The following NXPH1 variants were observed in gnomAD, a reference collection of about 807,000 sequenced individuals.
The protein encoded by NXPH1 is neurexophilin-1.
A neutral mutation model predicts 23.7 loss-of-function variants in NXPH1; 5 were observed. The ratio of observed to expected loss-of-function variants is 0.21; its 90% CI spans 0.11 to 0.44. The LOEUF (loss-of-function observed/expected upper bound fraction) is 0.44. Ranked by LOEUF, NXPH1 falls within the 20% of genes least tolerant of loss-of-function variation. The pLI is 0.99. For synonymous variants in NXPH1, 144 were observed against 122.2 expected (o/e 1.18, Z -1.18); for missense variants, 324 against 321.6 (o/e 1.01, Z -0.06).
chr7:8,548,484 T>C (rs1283575593), intron 2 of NXPH1, among the ~76,000 whole-genome samples: 1 of 151,586 alleles, frequency 6.6e-6, no homozygotes, highest in Non-Finnish European at 1.5e-5. Context: ...GAGTTCTTAA[T>C]AAGCCTATAA....
chr7:8,576,029 GTA>G (rs1562408553), intron 2 of NXPH1, among the ~76,000 whole-genome samples: 3 of 152,108 alleles, frequency 2.0e-5, no homozygotes, highest in African/African-American at 7.2e-5. Flanking sequence ...TAGGGGATGG[GTA>G]TACCTGCTTC....
chr7:8,745,222 A>G (rs949489635), intron 2 of NXPH1, among the ~76,000 whole-genome samples: 3 of 152,156 alleles, frequency 2.0e-5, no homozygotes, highest in Non-Finnish European at 4.4e-5. Flanking sequence ...ACAAGTGAAA[A>G]TTGTGTATAA....
intron 2 of NXPH1, among the ~76,000 whole-genome samples, chr7:8,693,086 T>C (rs17153989): frequency 0.39 from 58,677 of 151,804 alleles, 11,662 homozygotes; most frequent in East Asian, 0.44. Flanking sequence ...AGAGTGGAAA[T>C]GGAACTTAAG....
chr7:8,639,132 C>T (rs1238610143), intron 2 of NXPH1, among the ~76,000 whole-genome samples: 1 of 152,074 alleles, frequency 6.6e-6, no homozygotes, highest in Non-Finnish European at 1.5e-5. Flanking sequence ...AACAGAATTA[C>T]TAAAAAATCA....
chr7:8,522,819 T>C (rs996316164), intron 2 of NXPH1, among the ~76,000 whole-genome samples: 10 of 152,124 alleles, frequency 6.6e-5, no homozygotes, highest in African/African-American at 2.4e-4. Context: ...GTGGAGACAG[T>C]GATTATATTA....
At chr7:8,481,494 G>A (rs1202589772) in intron 2 of NXPH1, among the ~76,000 whole-genome samples, 8 of 152,272 alleles carry the variant, frequency 5.3e-5, no homozygotes, top group African/African-American at 1.7e-4. Flanking sequence ...ACAGAGGTCA[G>A]AAGTGAAATA....
intron 2 of NXPH1, among the ~76,000 whole-genome samples, chr7:8,687,203 G>A (rs1224517595): frequency 6.6e-6 from 1 of 152,088 alleles, no homozygotes; most frequent in East Asian, 1.9e-4. Flanking sequence ...AAACTGTGAT[G>A]ACTGGTGGAG....
Position 8,692,814 on chromosome 7 carries a change from G to C in NXPH1, c.55-58194G>C, listed in dbSNP as rs147489784. Among the ~76,000 whole-genome samples the C allele has an allele frequency of 1.5e-4, 23 of 152,282 alleles. 1 individual carries two copies. The East Asian group carries it at 4.5e-3, about 29-fold the overall frequency. ...CGAGTTGAAAGAAGCATGATAGAAA[G>C]GGATGCTGTGTGTAAGTAGGTTGTT... On this transcript the variant is annotated intron_variant, in intron 2 of 2. Coordinates refer to ENST00000405863, the MANE Select transcript of NXPH1 (RefSeq NM_152745.3).
chr7:8,599,910 C>T (rs530129381), intron 2 of NXPH1, among the ~76,000 whole-genome samples: 114 of 149,852 alleles, frequency 7.6e-4, no homozygotes, highest in Non-Finnish European at 1.4e-3. Flanking sequence ...AGTCATATTA[C>T]GATAACTATG....
intron 2 of NXPH1, among the ~76,000 whole-genome samples, chr7:8,723,985 ATAAGT>A (rs1327804139): frequency 6.6e-6 from 1 of 152,372 alleles, no homozygotes; most frequent in African/African-American, 2.4e-5. Context: ...AAGCAAGTAG[ATAAGT>A]TAATAAATAA....
intron 2 of NXPH1, among the ~76,000 whole-genome samples, chr7:8,470,660 A>T (rs1399163475): frequency 1.3e-5 from 2 of 152,172 alleles, no homozygotes; most frequent in Non-Finnish European, 2.9e-5. Flanking sequence ...ATAAACACCC[A>T]CCTTTAAGAC....
chr7:8,667,770 T>C lies in NXPH1; in HGVS notation c.55-83238T>C, dbSNP rs147259714. On this transcript the variant is annotated intron_variant, in intron 2 of 2. Coordinates refer to ENST00000405863, the MANE Select transcript of NXPH1 (RefSeq NM_152745.3). ...CTGTGATCACTTATTTGCATAAGCT[T>C]TCCACCTCTTTGTCTCTCTCTTCTT... is the stretch of plus-strand genomic sequence containing the variant. Among the ~76,000 whole-genome samples the C allele has an allele frequency of 4.5e-3, 681 of 152,232 alleles. 5 individuals carry two copies. The highest frequency in any genetic ancestry group is 8.0e-3 in the Non-Finnish European group (541 of 68,002).
intron 2 of NXPH1, among the ~76,000 whole-genome samples, chr7:8,514,322 A>G (rs540328448): frequency 6.6e-6 from 1 of 152,168 alleles, no homozygotes; most frequent in South Asian, 2.1e-4. Context: ...TTAAAGCCTT[A>G]TTATTTGGGA....
intron 2 of NXPH1, among the ~76,000 whole-genome samples, chr7:8,595,605 A>G (rs1252140906): frequency 1.3e-5 from 2 of 152,040 alleles, no homozygotes; most frequent in African/African-American, 4.8e-5. Context: ...GTATTTGATA[A>G]AATCCAGTTT....
rs560695808 is a variant in NXPH1 at position 8,496,523 on chromosome 7, T to A, written c.54+60756T>A. 1.1e-3 allele frequency among the ~76,000 whole-genome samples: 173 copies of A among 152,192 alleles called. 2 individuals are homozygous for A. Among genetic ancestry groups the A allele is most frequent in the Non-Finnish European group, 1.6e-3 (107 of 67,970 alleles). The stretch of plus-strand genomic sequence containing the variant: ...AGAAGAGCCTTGAGACCTGCCCAAG[T>A]CTTTAATTGGAGTCAATAAGAGACA... On this transcript the variant is annotated intron_variant, in intron 2 of 2. Coordinates refer to ENST00000405863, the MANE Select transcript of NXPH1 (RefSeq NM_152745.3).
intron 2 of NXPH1, among the ~76,000 whole-genome samples, chr7:8,534,645 A>G (rs2128617724): frequency 6.6e-6 from 1 of 152,262 alleles, no homozygotes; most frequent in African/African-American, 2.4e-5. Flanking sequence ...AAGCTAAAAA[A>G]GAAATATCAA....
intron 2 of NXPH1, among the ~76,000 whole-genome samples, chr7:8,544,983 T>G (rs1400153035): frequency 6.6e-6 from 1 of 151,566 alleles, no homozygotes; most frequent in South Asian, 2.1e-4. Context: ...AATAGTTTCT[T>G]AATGGATATC....
intron 2 of NXPH1, among the ~76,000 whole-genome samples, chr7:8,663,276 C>G (rs920469337): frequency 6.6e-6 from 1 of 152,052 alleles, no homozygotes; most frequent in African/African-American, 2.4e-5. Flanking sequence ...TCATCCCTTT[C>G]GCACTCACAG....
chr7:8,587,613 C>T (rs1317234112), intron 2 of NXPH1, among the ~76,000 whole-genome samples: 2 of 152,082 alleles, frequency 1.3e-5, no homozygotes, highest in South Asian at 4.1e-4. Context: ...TTGGGTATTT[C>T]TCCTAATGAT....
Sources: allele counts gnomAD v4.1 joint callset (sites outside exome capture counted in the v4.1 genomes callset), GRCh38; gene constraint gnomAD v4.1.1; transcripts MANE v1.5; gene names NCBI Gene and HGNC (gene_info 2026-07-23, HGNC 2026-07-21).